Variants in ME1 observed in about 807,000 individuals in gnomAD.
The protein encoded by ME1 is NADP-dependent malic enzyme.
In ME1, 74 loss-of-function variants were observed where a neutral mutation model predicts 66.4. The ratio of observed to expected loss-of-function variants is 1.11; its 90% CI spans 0.92 to 1.35. The LOEUF (loss-of-function observed/expected upper bound fraction) is 1.35, where lower values mean the gene tolerates loss of function less well. Among genes scored for constraint, ME1 ranks in the 40% most tolerant of loss-of-function variants. ME1 has a pLI of 0.00. For missense variants in ME1, 750 were observed against 694.1 expected (o/e 1.08, Z -0.90); for synonymous variants, 251 against 235.6 (o/e 1.07, Z -0.60).
chr6:83,281,927 A>T (rs1767303542), intron 6 of ME1, among the ~76,000 whole-genome samples: 2 of 151,228 alleles, frequency 1.3e-5, no homozygotes, highest in Non-Finnish European at 2.9e-5. Context: ...GAAACTTGTA[A>T]GAAAATCCAG....
At chr6:83,253,165 G>C (rs1790752783) in intron 7 of ME1, among the ~76,000 whole-genome samples, 2 of 151,944 alleles carry the variant, frequency 1.3e-5, no homozygotes, top group Admixed American at 1.3e-4. Context: ...AGCTTAAAGA[G>C]GAAAAAATTT....
chr6:83,218,658 C>T (rs1790034203), intron 12 of ME1, among the ~76,000 whole-genome samples: 2 of 152,158 alleles, frequency 1.3e-5, no homozygotes, highest in African/African-American at 4.8e-5. Context: ...CAGATTTGGA[C>T]CCTGCCAGAG....
Position 83,332,792 on chromosome 6 carries a change from T to C in ME1, c.600+13381A>G, listed in dbSNP as rs1274427373. Among the ~76,000 whole-genome samples the C allele has an allele frequency of 4.6e-5, 7 of 152,192 alleles. No individual in the cohort carries two copies. The East Asian group carries it at 1.4e-3, about 29-fold the overall frequency. ...AGGAGGTAGGTAAAGGATAAAAAAT[T>C]ACCTATTGGGTACAATGTTTTTCAG... On this transcript the variant is annotated intron_variant, in intron 5 of 13. Coordinates refer to ENST00000369705, the MANE Select transcript of ME1 (RefSeq NM_002395.6).
At chr6:83,365,551 A>G (rs974063602) in intron 3 of ME1, among the ~76,000 whole-genome samples, 2 of 152,244 alleles carry the variant, frequency 1.3e-5, no homozygotes, top group African/African-American at 4.8e-5. Flanking sequence ...TAAGGTATAC[A>G]AAAACAAGCT....
intron 6 of ME1, among the ~76,000 whole-genome samples, chr6:83,301,911 A>G (rs544154864): frequency 6.6e-6 from 1 of 152,322 alleles, no homozygotes; most frequent in African/African-American, 2.4e-5. Context: ...AGCTAAAAAC[A>G]TAACTACCAT....
chr6:83,333,033 A>C (rs186018784), intron 5 of ME1, among the ~76,000 whole-genome samples: 1 of 152,290 alleles, frequency 6.6e-6, no homozygotes, highest in African/African-American at 2.4e-5. Context: ...CAGTCAGGCA[A>C]GTGTATCTTT....
At chr6:83,388,286 A>G (rs1408542974) in intron 3 of ME1, among the ~76,000 whole-genome samples, 1 of 152,048 alleles carries the variant, frequency 6.6e-6, no homozygotes, top group Non-Finnish European at 1.5e-5. Flanking sequence ...GGGTTTCACC[A>G]TGTTGCCCAG....
chr6:83,229,105 C>T, intron 9 of ME1, 174 bp from the exon 10 acceptor site: 1 of 616,076 alleles, frequency 1.6e-6, no homozygotes, highest in Non-Finnish European at 2.9e-6. Context: ...ATTCGTTTAA[C>T]AAATATTTAT....
chr6:83,312,224 T>A (rs1348912484), intron 6 of ME1, among the ~76,000 whole-genome samples: 1 of 152,182 alleles, frequency 6.6e-6, no homozygotes, highest in Admixed American at 6.5e-5. Context: ...TTGACACTGA[T>A]ACCTGGAGAC....
chr6:83,412,936 T>A (rs1371561873), intron 1 of ME1, among the ~76,000 whole-genome samples: 1 of 152,244 alleles, frequency 6.6e-6, no homozygotes, highest in Non-Finnish European at 1.5e-5. Flanking sequence ...TTGTCAAAAC[T>A]AATAGAACTG....
intron 2 of ME1, among the ~76,000 whole-genome samples, chr6:83,403,240 A>G (rs1276244504): frequency 6.6e-6 from 1 of 152,184 alleles, no homozygotes; most frequent in Non-Finnish European, 1.5e-5. Flanking sequence ...AAGATTAAGT[A>G]TGATTTGAGG....
chr6:83,310,230 T>C (rs1767905559), intron 6 of ME1, among the ~76,000 whole-genome samples: 1 of 152,064 alleles, frequency 6.6e-6, no homozygotes, highest in African/African-American at 2.4e-5. Context: ...GTGACCCACA[T>C]CCACATCCAG....
rs76439403 is a variant in ME1, at chr6:83,377,271, A to G, written c.362+21096T>C. On this transcript the variant is annotated intron_variant, in intron 3 of 13. Coordinates refer to ENST00000369705, the MANE Select transcript of ME1 (RefSeq NM_002395.6). ...TAATTCTTTGCTTTCAACAATTTTG[A>G]AGGAGAATATAATCTAGTTGTCAAC... is the stretch of plus-strand genomic sequence containing the variant. Among the ~76,000 whole-genome samples the G allele has an allele frequency of 3.3e-5, 5 of 152,304 alleles. No individual in the cohort carries two copies. The East Asian group carries it at 9.6e-4, about 29-fold the overall frequency.
rs781704850 is a variant in ME1, at chr6:83,407,898, A to C, written c.82T>G (p.Leu28Val). Residue 28 changes from leucine to valine, a missense_variant, in exon 2 of 14, where the codon TTG (leucine) becomes GTG (valine). Coordinates refer to ENST00000369705, the MANE Select transcript of ME1 (RefSeq NM_002395.6). The stretch of plus-strand genomic sequence containing the variant: ...TGTCTCTCTTCCAGGGTAAAGGCCA[A>C]GTCCTATAGAGAAAAAACACACACA... ...LTRNPHLNKD[L>V]AFTLEERQQL... The C allele has an allele frequency of 1.9e-6, 3 of 1,596,002 alleles. No individual in the cohort carries two copies.
At chr6:83,314,677 A>G (rs1218537046) in intron 6 of ME1, among the ~76,000 whole-genome samples, 1 of 151,492 alleles carries the variant, frequency 6.6e-6, no homozygotes, top group Admixed American at 6.6e-5. Flanking sequence ...TTATATATAT[A>G]TGCAAATATT....
chr6:83,298,210 C>G (rs1767638542), intron 6 of ME1, among the ~76,000 whole-genome samples: 3 of 152,136 alleles, frequency 2.0e-5, no homozygotes, highest in Admixed American at 1.3e-4. Context: ...TTCTCCACAG[C>G]CTCACCAGCA....
chr6:83,329,284 T>G (rs1466998080), intron 5 of ME1, among the ~76,000 whole-genome samples: 1 of 152,202 alleles, frequency 6.6e-6, no homozygotes, highest in Non-Finnish European at 1.5e-5. Flanking sequence ...CCAGGTCCTT[T>G]TCTTTGTATC....
chr6:83,367,697 G>C (rs1769125375), intron 3 of ME1, among the ~76,000 whole-genome samples: 2 of 152,214 alleles, frequency 1.3e-5, no homozygotes, highest in Admixed American at 1.3e-4. Flanking sequence ...AATGAAGAGA[G>C]TTAGGGCTTG....
chr6:83,263,473 T>C (rs1766932630), intron 6 of ME1, among the ~76,000 whole-genome samples: 1 of 152,156 alleles, frequency 6.6e-6, no homozygotes. Context: ...AAAGGAAAAG[T>C]TCTTGAAGTA....
Sources: allele counts gnomAD v4.1 joint callset (sites outside exome capture counted in the v4.1 genomes callset), GRCh38; gene constraint gnomAD v4.1.1; transcripts MANE v1.5; gene names NCBI Gene and HGNC (gene_info 2026-07-23, HGNC 2026-07-21).